Variants in RFT1 observed in about 807,000 individuals in gnomAD.
The protein encoded by RFT1 is man(5)GlcNAc(2)-PP-dolichol translocation protein RFT1.
A neutral mutation model predicts 62.2 loss-of-function variants in RFT1; 43 were observed. That is an observed-to-expected ratio of 0.69 (90% CI 0.54 to 0.89). RFT1 has a LOEUF of 0.89. Among genes scored for constraint, RFT1 ranks in the 40% least tolerant of loss-of-function variants. The probability of loss-of-function intolerance (pLI) is 0.00; values close to 1 mark genes in which losing one functional copy is unlikely to be tolerated. For synonymous variants in RFT1, 262 were observed against 264.6 expected, an observed-to-expected ratio of 0.99 and a Z score of 0.10; for missense variants, 605 against 649.9, an observed-to-expected ratio of 0.93 and a Z score of 0.75.
chr3:53,125,758 G>T, intron 2 of RFT1, 151 bp downstream of exon 2: 1 of 640,406 alleles, frequency 1.6e-6, no homozygotes, highest in Non-Finnish European at 2.8e-6. Flanking sequence ...CTCCACTCCT[G>T]CACGCTTCTC....
downstream of RFT1, among the ~76,000 whole-genome samples, chr3:53,085,237 T>A (rs900901930): frequency 2.6e-5 from 4 of 152,196 alleles, no homozygotes; most frequent in African/African-American, 9.6e-5. Context: ...AAAATGAGAA[T>A]CACCCCACGG....
chr3:53,074,662 A>C, the RFT1 span, among the ~76,000 whole-genome samples: 9 of 152,110 alleles, frequency 5.9e-5, no homozygotes, highest in Non-Finnish European at 8.8e-5. Context: ...TGGTGGGAAG[A>C]AGGAGGCCAG....
At chr3:53,104,163 C>G (rs571195681) in intron 9 of RFT1, 66 bp from the exon 10 acceptor site, 1 of 1,534,424 alleles carries the variant, frequency 6.5e-7, no homozygotes, top group Non-Finnish European at 9.0e-7. Context: ...TCATCCTTCA[C>G]GTCTGGCCTT....
rs150115307 is a variant in RFT1 at position 53,108,438 on chromosome 3, G to T, written c.776-1569C>A. Among the ~76,000 whole-genome samples the T allele has an allele frequency of 4.1e-5, 6 of 147,752 alleles. No individual in the cohort carries two copies. In the East Asian group the frequency reaches 1.2e-3, roughly 29 times the overall value. ...ATAGTCTTGATCTGTCACCCAGACT[G>T]GAGTGCAGTGGCACGATCTCGTTCA... On this transcript the variant is annotated intron_variant, in intron 7 of 12. Transcript: ENST00000296292.
chr3:53,111,309 G>A (rs1181705528), intron 7 of RFT1, among the ~76,000 whole-genome samples: 2 of 151,980 alleles, frequency 1.3e-5, no homozygotes, highest in Admixed American at 6.6e-5. Context: ...AGGAGGCTGA[G>A]GCAGGAGAAT....
chr3:53,093,015 G>A lies in RFT1; in HGVS notation c.1209-397C>T, dbSNP rs150419351. On this transcript the variant is annotated intron_variant, in intron 11 of 12. Transcript: ENST00000296292. ...CACACTGGAGAATGAACACACATGGGCCTTGCCCTGCAGAGCTTGGATTTA... is the reference window on the plus strand; with the variant it reads ...CACACTGGAGAATGAACACACATGGACCTTGCCCTGCAGAGCTTGGATTTA... Among the ~76,000 whole-genome samples the A allele has an allele frequency of 1.4e-3, 206 of 152,244 alleles. 1 individual carries two copies. Among genetic ancestry groups the A allele is most frequent in the African/African-American group, 4.8e-3 (200 of 41,524 alleles).
At chr3:53,083,200 CAAAAAAA>C in the RFT1 span, among the ~76,000 whole-genome samples, 96 of 39,394 alleles carry the variant, frequency 2.4e-3, 2 homozygotes, top group South Asian at 0.12. Flanking sequence ...GATTCCATCT[CAAAAAAA>C]AAAAAAAAAA....
At chr3:53,106,599 C>A (rs936200714) in intron 8 of RFT1, among the ~76,000 whole-genome samples, 1 of 152,134 alleles carries the variant, frequency 6.6e-6, no homozygotes, top group Admixed American at 6.5e-5. Flanking sequence ...AACACCAGAG[C>A]TCTCAGGAGG....
chr3:53,092,040 C>G lies in RFT1; in HGVS notation c.1489G>C (p.Ala497Pro). The change falls in exon 13 of 13, where the codon GCC (alanine) becomes CCC (proline). Residue 497 changes from alanine to proline, a missense_variant. Coordinates refer to ENST00000296292, the MANE Select transcript of RFT1 (RefSeq NM_052859.4). ...CCCACAGCAATGTGTGCCAGTCTGG[C>G]TGGCCAGCCCTGCTCACAGCAGAGG... ...VFLCCEQGWP[A>P]RLAHIAVGAF... is the part of the protein sequence containing the mutation. The G allele has an allele frequency of 1.9e-6, 3 of 1,614,264 alleles. No homozygotes were observed. In the South Asian group the frequency reaches 3.3e-5, roughly 18 times the overall value.
chr3:53,130,216 C>G, intron 1 of RFT1, 122 bp downstream of exon 1: 1 of 985,644 alleles, frequency 1.0e-6, no homozygotes, highest in Non-Finnish European at 1.6e-6. Context: ...CCCCCACCCC[C>G]TCCATTGCGG....
intron 6 of RFT1, 97 bp downstream of exon 6, chr3:53,119,787 T>C (rs935866480): frequency 8.6e-6 from 10 of 1,166,548 alleles, no homozygotes; most frequent in African/African-American, 1.5e-5. Flanking sequence ...TAAAATTCTA[T>C]TTATGATTAT....
intron 7 of RFT1, among the ~76,000 whole-genome samples, chr3:53,110,265 C>T (rs973630137): frequency 3.3e-5 from 5 of 152,226 alleles, no homozygotes. Context: ...CCTGTTCTTA[C>T]AACAATGTGA....
intron 5 of RFT1, among the ~76,000 whole-genome samples, chr3:53,121,492 G>C (rs1701965313): frequency 6.6e-6 from 1 of 152,166 alleles, no homozygotes; most frequent in Non-Finnish European, 1.5e-5. Context: ...GCCCTCACCA[G>C]GTCCCTAGAA....
intron 10 of RFT1, among the ~76,000 whole-genome samples, chr3:53,101,859 G>A (rs569850993): frequency 6.6e-6 from 1 of 152,162 alleles, no homozygotes; most frequent in South Asian, 2.1e-4. Context: ...CCAACATGGC[G>A]AAACCCCGTC....
chr3:53,130,123 G>A (rs561579558), intron 1 of RFT1, among the ~76,000 whole-genome samples: 20 of 152,352 alleles, frequency 1.3e-4, no homozygotes, highest in African/African-American at 4.8e-4. Context: ...CTTGTCTGCA[G>A]TCACCCGGCC....
the RFT1 span, among the ~76,000 whole-genome samples, chr3:53,067,003 T>C: frequency 4.7e-4 from 72 of 152,276 alleles, 2 homozygotes; most frequent in South Asian, 0.015. Context: ...AAAGAACAAC[T>C]GTTACACAGG....
At chr3:53,072,937 C>T in the RFT1 span, among the ~76,000 whole-genome samples, 1 of 152,242 alleles carries the variant, frequency 6.6e-6, no homozygotes, top group Non-Finnish European at 1.5e-5. Flanking sequence ...GTGCCTGCCG[C>T]ACAGCAACAA....
At chr3:53,095,277 C>T (rs1402947846) in intron 11 of RFT1, among the ~76,000 whole-genome samples, 1 of 152,082 alleles carries the variant, frequency 6.6e-6, no homozygotes, top group East Asian at 1.9e-4. Flanking sequence ...AAAAAAATCA[C>T]TTTTTAAAAT....
chr3:53,070,242 C>G, the RFT1 span, among the ~76,000 whole-genome samples: 5 of 152,044 alleles, frequency 3.3e-5, 1 homozygote, highest in South Asian at 1.0e-3. Context: ...ATAGTGAGAC[C>G]TCGTCTCTTG....
Sources: gnomAD v4.1 joint callset for allele counts (sites outside exome capture counted in the v4.1 genomes callset) on GRCh38, gnomAD v4.1.1 for gene constraint, MANE v1.5 for transcripts, NCBI Gene and HGNC (gene_info 2026-07-23, HGNC 2026-07-21) for gene names.